The following PRKN variants were observed in gnomAD, a reference collection of about 807,000 sequenced individuals.
The protein encoded by PRKN is parkin RBR E3 ubiquitin protein ligase.
Under a neutral mutation model 59.5 loss-of-function variants are expected in PRKN, and 56 were observed. That is an observed-to-expected ratio of 0.94 (90% CI 0.76 to 1.18). PRKN has a LOEUF of 1.18. Among genes scored for constraint, PRKN ranks in the 50% most tolerant of loss-of-function variants. The pLI is 0.00. For synonymous variants in PRKN, 250 were observed against 222.1 expected, an observed-to-expected ratio of 1.13 and a Z score of -1.12; for missense variants, 657 against 596.4, an observed-to-expected ratio of 1.10 and a Z score of -1.06.
chr6:162,574,752 G>A (rs1174107382), intron 1 of PRKN, among the ~76,000 whole-genome samples: 1 of 123,188 alleles, frequency 8.1e-6, no homozygotes, highest in Non-Finnish European at 1.7e-5. Flanking sequence ...CAACAGCAGT[G>A]AATGATACTA....
At chr6:161,394,758 C>T (rs868034866) in intron 9 of PRKN, among the ~76,000 whole-genome samples, 1 of 152,136 alleles carries the variant, frequency 6.6e-6, no homozygotes, top group South Asian at 2.1e-4. Flanking sequence ...TTACTTTCAA[C>T]AGGCTGACCT....
chr6:161,529,376 C>T lies in PRKN; in HGVS notation c.1083+19478G>A, dbSNP rs1464201610. Among the ~76,000 whole-genome samples the T allele has an allele frequency of 6.6e-6, 1 of 152,186 alleles. No homozygotes were observed. The highest frequency in any genetic ancestry group is 1.9e-4 in the East Asian group (1 of 5,186). Reference sequence around the variant, plus strand: ...CACAGGCTTAGTGAGGCGAGTCACACATTAGCCCATCTGCTCTGGTAATGT... The same window carrying T: ...CACAGGCTTAGTGAGGCGAGTCACATATTAGCCCATCTGCTCTGGTAATGT... On this transcript the variant is annotated intron_variant, in intron 9 of 11. Coordinates refer to ENST00000366898, the MANE Select transcript of PRKN (RefSeq NM_004562.3). The surrounding 1 kb of genome is among the most constrained non-coding windows in gnomAD (Gnocchi z 4.4).
At position 161,578,332 on chromosome 6, in the gene PRKN, C is replaced by T. The variant is rs1781211273; in HGVS notation, c.872-8916G>A. Among the ~76,000 whole-genome samples, 1 of 152,058 alleles carries T rather than the reference C, an allele frequency of 6.6e-6. No individual in the cohort carries two copies. Among genetic ancestry groups the T allele is most frequent in the Non-Finnish European group, 1.5e-5 (1 of 68,012 alleles). ...GAAGAATTCTGCCCTGGAAGATAAGCTTGTAAAGCAATAAATAACTTCACT... is the reference window on the plus strand; with the variant it reads ...GAAGAATTCTGCCCTGGAAGATAAGTTTGTAAAGCAATAAATAACTTCACT... On this transcript the variant is annotated intron_variant, in intron 7 of 11. Transcript: ENST00000366898. This position sits in a 1 kb window ranked among gnomAD's most constrained non-coding sequence, Gnocchi z 4.2.
intron 6 of PRKN, among the ~76,000 whole-genome samples, chr6:161,909,669 G>A (rs752375265): frequency 6.6e-6 from 1 of 152,110 alleles, no homozygotes; most frequent in Admixed American, 6.6e-5. Flanking sequence ...TCTTGCTTCC[G>A]CTGGACAGTG....
intron 6 of PRKN, among the ~76,000 whole-genome samples, chr6:161,875,314 C>T (rs1794694282): frequency 6.6e-6 from 1 of 151,086 alleles, no homozygotes; most frequent in African/African-American, 2.4e-5. Flanking sequence ...CATGCCTCAG[C>T]CTCCCAGTAG....
At chr6:162,082,895 T>A (rs1779113170) in intron 4 of PRKN, among the ~76,000 whole-genome samples, 1 of 152,094 alleles carries the variant, frequency 6.6e-6, no homozygotes, top group Admixed American at 6.6e-5. Flanking sequence ...TTCATGGTAT[T>A]CTAAAACTAT....
intron 6 of PRKN, among the ~76,000 whole-genome samples, chr6:161,817,062 T>C (rs558557200): frequency 1.3e-5 from 2 of 152,284 alleles, no homozygotes; most frequent in South Asian, 2.1e-4. Flanking sequence ...TTCTAATTTG[T>C]GCTTCGATTT....
At position 161,748,940 on chromosome 6, in the gene PRKN, T is replaced by C. The variant is rs549020966; in HGVS notation, c.871+36832A>G. ...CCTGTCATGTGTATTCCACAACGCA[T>C]GAAAAGACCAGACAAAGCGAAACAA... On this transcript the variant is annotated intron_variant, in intron 7 of 11. Coordinates refer to ENST00000366898, the MANE Select transcript of PRKN (RefSeq NM_004562.3). Among the ~76,000 whole-genome samples the C allele has an allele frequency of 3.3e-5, 5 of 152,238 alleles. No homozygotes were observed. In the South Asian group the frequency reaches 8.3e-4, roughly 25 times the overall value.
intron 2 of PRKN, among the ~76,000 whole-genome samples, chr6:162,333,193 T>A (rs1188220186): frequency 6.6e-6 from 1 of 151,260 alleles, no homozygotes; most frequent in Non-Finnish European, 1.5e-5. Flanking sequence ...TCTCTTTTTA[T>A]AAAAAATAAA....
chr6:161,996,666 A>G (rs1447388802), intron 5 of PRKN, among the ~76,000 whole-genome samples: 3 of 151,662 alleles, frequency 2.0e-5, no homozygotes, highest in Non-Finnish European at 4.4e-5. Flanking sequence ...TTACGTTAAC[A>G]TGTATTGCTA....
intron 2 of PRKN, among the ~76,000 whole-genome samples, chr6:162,358,431 G>C (rs960464505): frequency 6.6e-6 from 1 of 151,932 alleles, no homozygotes; most frequent in Non-Finnish European, 1.5e-5. Context: ...ACAGATTTAA[G>C]GTATTTCTAT....
intron 4 of PRKN, among the ~76,000 whole-genome samples, chr6:162,060,496 T>G (rs1778055922): frequency 6.6e-6 from 1 of 152,186 alleles, no homozygotes; most frequent in Admixed American, 6.5e-5. Context: ...GGGAAAGCAT[T>G]GATAAAATCT....
intron 7 of PRKN, among the ~76,000 whole-genome samples, chr6:161,623,161 T>G (rs1782968409): frequency 6.6e-6 from 1 of 152,184 alleles, no homozygotes; most frequent in South Asian, 2.1e-4. Context: ...AGCCTATGGG[T>G]GAGTCCACTG....
intron 10 of PRKN, among the ~76,000 whole-genome samples, chr6:161,374,264 A>T (rs894052100): frequency 6.6e-6 from 1 of 150,544 alleles, no homozygotes; most frequent in African/African-American, 2.4e-5. Context: ...CTGTATGTGC[A>T]GTGTGTGTGG....
At chr6:162,054,411 C>A (rs944404536) in intron 4 of PRKN, among the ~76,000 whole-genome samples, 2 of 152,176 alleles carry the variant, frequency 1.3e-5, no homozygotes, top group Admixed American at 6.5e-5. Context: ...CAAACCTGTT[C>A]GTTTTCCACT....
chr6:162,414,417 T>C (rs1215742907), intron 2 of PRKN, among the ~76,000 whole-genome samples: 2 of 151,460 alleles, frequency 1.3e-5, no homozygotes, highest in Non-Finnish European at 2.9e-5. Context: ...GATTAGAAAG[T>C]AGTGAATCTG....
At chr6:161,978,951 G>A (rs915854273) in intron 5 of PRKN, among the ~76,000 whole-genome samples, 4 of 152,150 alleles carry the variant, frequency 2.6e-5, no homozygotes, top group Admixed American at 2.0e-4. Flanking sequence ...AATCCTTTAC[G>A]GCGGGTAAAC....
chr6:161,923,725 C>T (rs1165724850), intron 6 of PRKN, among the ~76,000 whole-genome samples: 1 of 152,136 alleles, frequency 6.6e-6, no homozygotes, highest in African/African-American at 2.4e-5. Context: ...CGATCCTTTA[C>T]CCCCTAATTG....
chr6:162,145,644 G>A (rs565408351), intron 4 of PRKN, among the ~76,000 whole-genome samples: 1 of 152,226 alleles, frequency 6.6e-6, no homozygotes, highest in South Asian at 2.1e-4. Flanking sequence ...CAGCTCAAGG[G>A]CCCCAGATAA....
Sources: gnomAD v4.1 joint callset for allele counts (sites outside exome capture counted in the v4.1 genomes callset) on GRCh38, gnomAD v4.1.1 for gene constraint, Gnocchi (gnomAD v3.1) non-coding constraint, MANE v1.5 for transcripts, NCBI Gene and HGNC (gene_info 2026-07-23, HGNC 2026-07-21) for gene names.